DDB2: variants seen among roughly 807,000 people sequenced by gnomAD.
DDB2 encodes the protein DNA damage-binding protein 2.
In DDB2, 27 loss-of-function variants were observed where a neutral mutation model predicts 50.5. The observed-to-expected ratio is 0.53, with a 90% confidence interval of 0.39 to 0.74. The LOEUF (loss-of-function observed/expected upper bound fraction) is 0.74, where lower values mean the gene tolerates loss of function less well. DDB2 is among the 30% of genes least tolerant of loss of function. DDB2 has a pLI of 0.00. For synonymous variants in DDB2, 176 were observed against 205.5 expected (o/e 0.86, Z 1.23); for missense variants, 424 against 545.6 (o/e 0.78, Z 2.22).
intron 3 of DDB2, among the ~76,000 whole-genome samples, chr11:47,223,394 A>G (rs1041280007): frequency 7.2e-5 from 11 of 152,106 alleles, no homozygotes; most frequent in Admixed American, 2.6e-4. Context: ...CTGAGGCATG[A>G]GAATCTTGAA....
intron 7 of DDB2, 188 bp from the exon 8 acceptor site, chr11:47,237,649 A>G: frequency 1.6e-6 from 1 of 609,516 alleles, no homozygotes. Context: ...GTTAGCCAGG[A>G]TGGTCTCGAT....
At position 47,216,599 on chromosome 11, in the gene DDB2, G is replaced by A. The variant is rs1590988340; in HGVS notation, c.264+127G>A. 3 of 1,413,276 alleles carry A rather than the reference G, an allele frequency of 2.1e-6. No individual in the cohort carries two copies. The Admixed American group carries it at 5.8e-5, about 27-fold the overall frequency. The allele number at this position is 1,413,276 out of a possible 1,614,324, so 87.5% of individuals were successfully genotyped here. On this transcript the variant is annotated intron_variant, in intron 2 of 9. Transcript: ENST00000256996. ...GTGGTCCGATCACCCAGACTGTGGT[G>A]ACTGGCCTACTGGGCACTCAGCCAG...
intron 5 of DDB2, 36 bp from the exon 6 acceptor site, chr11:47,234,721 T>C: frequency 6.2e-7 from 1 of 1,614,064 alleles, no homozygotes; most frequent in Non-Finnish European, 8.5e-7. Context: ...CCACCTCGGT[T>C]CTGTGTCCCC....
chr11:47,231,143 A>AAC lies in DDB2; in HGVS notation c.457-1665_457-1664dup, dbSNP rs1491516047. Among the ~76,000 whole-genome samples, 713 of 145,642 alleles carry AAC rather than the reference A, an allele frequency of 4.9e-3. 8 individuals are homozygous for AAC. The highest frequency in any genetic ancestry group is 8.9e-3 in the South Asian group (40 of 4,512). On this transcript the variant is annotated intron_variant, in intron 3 of 9. Coordinates refer to ENST00000256996, the MANE Select transcript of DDB2 (RefSeq NM_000107.3). ...TCAAAAAAAAAAAAAAAAAAAAAAA[A>AAC]ACACACAAAGAAAATCCCCCCAAAA...
intron 3 of DDB2, among the ~76,000 whole-genome samples, chr11:47,226,734 CTTTTTTTTTTTTTTT>C (rs542832519): frequency 8.0e-6 from 1 of 124,598 alleles, no homozygotes; most frequent in African/African-American, 3.4e-5. Context: ...AGTCCTTTGC[CTTTTTTTTTTTTTTT>C]TTTTTTTTTT....
rs368073045 is a variant in DDB2, at chr11:47,215,248, T to C, written c.112T>C (p.Cys38Arg). The C allele has an allele frequency of 1.9e-6, 3 of 1,613,976 alleles. No individual in the cohort carries two copies. The highest frequency in any genetic ancestry group is 2.5e-6 in the Non-Finnish European group (3 of 1,179,992). Residue 38 changes from cysteine to arginine, a missense_variant, in exon 1 of 10, where the codon TGT (cysteine) becomes CGT (arginine). By Grantham distance (180) the Cys-to-Arg change is radical (BLOSUM62 -3). Transcript: ENST00000256996. Reference sequence around the variant, plus strand: ...GCTGGAGCCCGAGGCCAAGAAGCTCTGTGCGAAGGGCTCCGGTACTGCCTG... The same window carrying C: ...GCTGGAGCCCGAGGCCAAGAAGCTCCGTGCGAAGGGCTCCGGTACTGCCTG... Reference protein sequence around the residue: ...LELEPEAKKLCAKGSGPSRRC... With the variant: ...LELEPEAKKLRAKGSGPSRRC...
At chr11:47,224,175 T>G (rs545968688) in intron 3 of DDB2, among the ~76,000 whole-genome samples, 2 of 152,200 alleles carry the variant, frequency 1.3e-5, no homozygotes, top group Admixed American at 1.3e-4. Context: ...CTGGTCGCTT[T>G]AAAAATGATT....
At chr11:47,238,703 AGTATT>A in intron 9 of DDB2, 92 bp from the exon 10 acceptor site, 1 of 1,382,602 alleles carries the variant, frequency 7.2e-7, no homozygotes, top group Non-Finnish European at 1.0e-6. Flanking sequence ...CGGCCTTCCT[AGTATT>A]TCTTTACCAA....
chr11:47,231,980 A>C (rs1953655879), intron 3 of DDB2, among the ~76,000 whole-genome samples: 1 of 152,108 alleles, frequency 6.6e-6, no homozygotes, highest in South Asian at 2.1e-4. Context: ...CATATGTTAA[A>C]ATTCAGAGAA....
chr11:47,223,314 G>A (rs867371457), intron 3 of DDB2, among the ~76,000 whole-genome samples: 10 of 151,906 alleles, frequency 6.6e-5, no homozygotes, highest in Admixed American at 2.0e-4. Flanking sequence ...GTGAAACCCC[G>A]CCTCTACTAA....
At chr11:47,215,605 A>C in intron 1 of DDB2, 1 of 343,528 alleles carries the variant, frequency 2.9e-6, no homozygotes, top group Non-Finnish European at 5.7e-6. Flanking sequence ...TGTTAGCTGC[A>C]CGTCCTCGGT....
At chr11:47,231,597 C>G (rs1477146667) in intron 3 of DDB2, among the ~76,000 whole-genome samples, 1 of 152,166 alleles carries the variant, frequency 6.6e-6, no homozygotes, top group Non-Finnish European at 1.5e-5. Flanking sequence ...GATCGCAACT[C>G]ACTGCAGCCT....
At chr11:47,235,148 T>A in intron 6 of DDB2, 122 bp from the exon 7 acceptor site, 1 of 1,452,256 alleles carries the variant, frequency 6.9e-7, no homozygotes, top group Non-Finnish European at 9.7e-7. Flanking sequence ...ATTCACCTCT[T>A]CCTTTCCGCT....
chr11:47,230,791 G>T (rs1425884443), intron 3 of DDB2, among the ~76,000 whole-genome samples: 1 of 152,192 alleles, frequency 6.6e-6, no homozygotes, highest in Non-Finnish European at 1.5e-5. Context: ...AGGCGGACAA[G>T]TGGAGAACTT....
chr11:47,223,658 T>A (rs562415686), intron 3 of DDB2, among the ~76,000 whole-genome samples: 65 of 151,142 alleles, frequency 4.3e-4, no homozygotes, highest in African/African-American at 1.5e-3. Flanking sequence ...GGTGGGCGCC[T>A]GTAGTCCCAG....
chr11:47,215,359 C>T (rs1056772976), intron 1 of DDB2, 96 bp downstream of exon 1: 4 of 1,594,444 alleles, frequency 2.5e-6, no homozygotes, highest in East Asian at 2.2e-5. Flanking sequence ...CTCCCGAGGC[C>T]CGCGCAGGTC....
At position 47,235,277 on chromosome 11, in the gene DDB2, C is replaced by T. The variant is rs1190260071; in HGVS notation, c.888C>T (p.Phe296=). The T allele has an allele frequency of 6.2e-6, 10 of 1,614,232 alleles. No homozygotes were observed. The highest frequency in any genetic ancestry group is 8.5e-6 in the Non-Finnish European group (10 of 1,180,050). ...PHRHPVNAAC[F]SPDGARLLTT... is the part of the protein sequence containing the mutation. ...GGCTTTTCACTTTGCCAGCTTGTTTCAGTCCCGATGGAGCCCGGCTCCTGA... is the reference window on the plus strand; with the variant it reads ...GGCTTTTCACTTTGCCAGCTTGTTTTAGTCCCGATGGAGCCCGGCTCCTGA... Residue 296 remains phenylalanine, a synonymous_variant, in exon 7 of 10, where the codon TTC becomes TTT. Transcript: ENST00000256996.
At chr11:47,225,959 G>A (rs989775937) in intron 3 of DDB2, among the ~76,000 whole-genome samples, 1 of 152,222 alleles carries the variant, frequency 6.6e-6, no homozygotes, top group Middle Eastern at 3.2e-3. Context: ...TTTTAAGGCT[G>A]AATAATGTTC....
In DDB2 at chr11:47,216,338, C is replaced by T; in HGVS notation, c.130C>T (p.Pro44Ser). ...AKKLCAKGSG[P>S]SRRCDSDCLW... ...AATATGTCTGTTCTGCTTGGCAGGT[C>T]CTAGCAGAAGATGTGACTCAGACTG... Residue 44 changes from proline (P) to serine (S), a missense_variant and splice_region_variant, in exon 2 of 10, where the codon CCT (proline) becomes TCT (serine). Transcript: ENST00000256996. The T allele has an allele frequency of 1.2e-6, 2 of 1,614,106 alleles. No homozygotes were observed. Among genetic ancestry groups the T allele is most frequent in the Non-Finnish European group, 1.7e-6 (2 of 1,180,016 alleles).
Sources: gnomAD v4.1 joint callset for allele counts (sites outside exome capture counted in the v4.1 genomes callset) on GRCh38, gnomAD v4.1.1 for gene constraint, MANE v1.5 for transcripts, NCBI Gene and HGNC (gene_info 2026-07-23, HGNC 2026-07-21) for gene names.